MYOF: variants seen among roughly 807,000 people sequenced by gnomAD.
The protein encoded by MYOF is fer-1-like 3, myoferlin.
In MYOF, 244 loss-of-function variants were observed where a neutral mutation model predicts 284.2. That is an observed-to-expected ratio of 0.86 (90% confidence interval 0.77 to 0.95). The LOEUF (loss-of-function observed/expected upper bound fraction) is 0.95. Ranked by LOEUF, MYOF falls within the 40% of genes least tolerant of loss-of-function variation. The probability of loss-of-function intolerance (pLI) is 0.00; values close to 1 mark genes in which losing one functional copy is unlikely to be tolerated. For synonymous variants in MYOF, 904 were observed against 919.7 expected, an observed-to-expected ratio of 0.98 and a Z score of 0.31; for missense variants, 2,496 against 2,560.6, an observed-to-expected ratio of 0.97 and a Z score of 0.54.
rs1258031679 is a variant in MYOF at position 93,347,723 on chromosome 10, C to T, written c.4143G>A (p.Arg1381=). ...CGACGACAGGCTTCCGCCCAAACTGCCTGTGGTCGATGACCTTGATCACCA... is the reference window on the plus strand; with the variant it reads ...CGACGACAGGCTTCCGCCCAAACTGTCTGTGGTCGATGACCTTGATCACCA... ...PPLVIKVIDH[R]QFGRKPVVGQ... The change falls in exon 37 of 54, where the codon AGG becomes AGA. Residue 1381 remains arginine (R), a synonymous_variant. Transcript: ENST00000359263. 6.2e-7 allele frequency: 1 copy of T among 1,614,126 alleles called. No homozygotes were observed. The highest frequency in any genetic ancestry group is 8.5e-7 in the Non-Finnish European group (1 of 1,180,022).
chr10:93,402,469 C>A, intron 10 of MYOF, 122 bp from the exon 11 acceptor site: 1 of 744,874 alleles, frequency 1.3e-6, no homozygotes. Context: ...CACCAAATTC[C>A]CCAGATGAGT....
chr10:93,436,484 A>AT, intron 3 of MYOF, among the ~76,000 whole-genome samples: 1 of 95,802 alleles, frequency 1.0e-5, no homozygotes, highest in Middle Eastern at 5.7e-3. Flanking sequence ...TTATTTATTT[A>AT]TTATTTTTTC....
intron 15 of MYOF, 64 bp downstream of exon 15, chr10:93,397,182 TA>T: frequency 7.5e-7 from 1 of 1,341,190 alleles, no homozygotes. Flanking sequence ...CAATCCAGAG[TA>T]ATGTTTCACA....
At chr10:93,315,766 C>T (rs1328445458) in intron 50 of MYOF, among the ~76,000 whole-genome samples, 1 of 151,892 alleles carries the variant, frequency 6.6e-6, no homozygotes, top group Non-Finnish European at 1.5e-5. Flanking sequence ...TGGGTAAATC[C>T]TTGGAGGGGG....
chr10:93,316,674 TAC>T (rs1450126904), intron 50 of MYOF, 38 bp downstream of exon 50: 10 of 1,522,268 alleles, frequency 6.6e-6, no homozygotes, highest in Non-Finnish European at 9.1e-6. Flanking sequence ...TAATTCCAAG[TAC>T]AGTTTCTTAG....
At chr10:93,313,887 C>T (rs1174643384) in intron 50 of MYOF, among the ~76,000 whole-genome samples, 9 of 151,920 alleles carry the variant, frequency 5.9e-5, no homozygotes, top group East Asian at 1.9e-4. Context: ...GGCAGCAGAG[C>T]GAGATTCTGT....
chr10:93,452,559 G>T (rs1308834117), intron 2 of MYOF, among the ~76,000 whole-genome samples: 11 of 113,414 alleles, frequency 9.7e-5, no homozygotes, highest in Non-Finnish European at 1.7e-4. Context: ...CCGTTGTGGG[G>T]TGGGGGGAGG....
chr10:93,382,541 G>C (rs1010572535), intron 19 of MYOF, among the ~76,000 whole-genome samples: 1 of 152,146 alleles, frequency 6.6e-6, no homozygotes, highest in Admixed American at 6.5e-5. Flanking sequence ...GGTTTACTAA[G>C]AGAGTTGAAG....
intron 27 of MYOF, among the ~76,000 whole-genome samples, chr10:93,363,069 T>C (rs913396468): frequency 7.2e-5 from 11 of 152,326 alleles, no homozygotes; most frequent in African/African-American, 2.6e-4. Flanking sequence ...AAATGAATTA[T>C]AGTAGGTACA....
chr10:93,376,355 T>C (rs1433154297), intron 22 of MYOF, among the ~76,000 whole-genome samples: 1 of 152,154 alleles, frequency 6.6e-6, no homozygotes, highest in African/African-American at 2.4e-5. Flanking sequence ...TACTGTGAAA[T>C]ACATGGCAGG....
rs567247614 is a variant in MYOF at position 93,333,816 on chromosome 10, G to A, written c.4661C>T (p.Thr1554Met). The change falls in exon 42 of 54, where the codon ACG becomes ATG. Residue 1554 changes from threonine to methionine, a missense_variant. Transcript: ENST00000359263. ...ELPDSVPQEC[T>M]VRIYIVRGLE... ...GCCTCGAACAATGTAAATCCTAACC[G>A]TGCATTCCTGTGGGACGCTGTCAGG... The A allele has an allele frequency of 5.8e-5, 93 of 1,614,082 alleles. 1 individual carries two copies. The Admixed American group carries it at 5.8e-4, about 10-fold the overall frequency.
At chr10:93,450,311 G>A (rs1027171821) in intron 3 of MYOF, among the ~76,000 whole-genome samples, 1 of 152,232 alleles carries the variant, frequency 6.6e-6, no homozygotes, top group Non-Finnish European at 1.5e-5. Context: ...AGAATCACTC[G>A]AACCTAGGAG....
chr10:93,445,232 A>G (rs549879068), intron 3 of MYOF, among the ~76,000 whole-genome samples: 1 of 152,320 alleles, frequency 6.6e-6, no homozygotes, highest in East Asian at 1.9e-4. Flanking sequence ...CTGGATATAG[A>G]TGAGCTGACT....
intron 3 of MYOF, among the ~76,000 whole-genome samples, chr10:93,446,807 G>C (rs1417600860): frequency 6.6e-6 from 1 of 150,796 alleles, no homozygotes; most frequent in African/African-American, 2.4e-5. Context: ...TGCAACCTCT[G>C]CCTCCCAGGT....
chr10:93,360,992 C>T (rs139728406), intron 28 of MYOF, among the ~76,000 whole-genome samples: 60 of 152,310 alleles, frequency 3.9e-4, no homozygotes, highest in African/African-American at 1.4e-3. Context: ...TTGGATTCTA[C>T]ATTTGGTTAG....
chr10:93,446,343 C>A (rs1452322933), intron 3 of MYOF, among the ~76,000 whole-genome samples: 1 of 152,208 alleles, frequency 6.6e-6, no homozygotes, highest in African/African-American at 2.4e-5. Flanking sequence ...TCAAGTAAGT[C>A]ACTGATGGCC....
At position 93,429,398 on chromosome 10, in the gene MYOF, G is replaced by A. The variant is rs1848736263; in HGVS notation, c.345+2010C>T. ...ACCCAGCCTCAGGTATTCCTTTATAGCAGTGCCAAATGGACTAACACACTC... is the reference window on the plus strand; with the variant it reads ...ACCCAGCCTCAGGTATTCCTTTATAACAGTGCCAAATGGACTAACACACTC... On this transcript the variant is annotated intron_variant, in intron 4 of 53. Transcript: ENST00000359263. Among the ~76,000 whole-genome samples the A allele has an allele frequency of 2.0e-5, 3 of 152,094 alleles. No homozygotes were observed. The South Asian group carries it at 6.2e-4, about 32-fold the overall frequency.
At chr10:93,370,375 A>C (rs1034813961) in intron 24 of MYOF, among the ~76,000 whole-genome samples, 7 of 140,720 alleles carry the variant, frequency 5.0e-5, no homozygotes, top group African/African-American at 2.0e-4. Flanking sequence ...GCAGTGGCTC[A>C]ATCTCGGCTC....
chr10:93,328,330 C>T (rs1016803232), intron 45 of MYOF, among the ~76,000 whole-genome samples: 11 of 152,090 alleles, frequency 7.2e-5, no homozygotes, highest in African/African-American at 2.7e-4. Flanking sequence ...AAGAGCAAGA[C>T]CCCAAGCTTG....
Sources: allele counts gnomAD v4.1 joint callset (sites outside exome capture counted in the v4.1 genomes callset), GRCh38; gene constraint gnomAD v4.1.1; transcripts MANE v1.5; gene names NCBI Gene and HGNC (gene_info 2026-07-23, HGNC 2026-07-21).